The following ZNF354B variants were observed in gnomAD, a reference collection of about 807,000 sequenced individuals.
The protein encoded by ZNF354B is zinc finger protein 354B.
A neutral mutation model predicts 12.9 loss-of-function variants in ZNF354B; 10 were observed. That is an observed-to-expected ratio of 0.77 (90% CI 0.48 to 1.31). The LOEUF is 1.31. Ranked by LOEUF, ZNF354B falls within the 40% of genes most tolerant of loss-of-function variation. The pLI is 0.00. For synonymous variants in ZNF354B, 260 were observed against 243.7 expected, an observed-to-expected ratio of 1.07 and a Z score of -0.62; for missense variants, 614 against 711.7, an observed-to-expected ratio of 0.86 and a Z score of 1.56.
intron 4 of ZNF354B, among the ~76,000 whole-genome samples, chr5:178,879,546 A>G (rs1161909042): frequency 6.6e-6 from 1 of 151,748 alleles, no homozygotes; most frequent in African/African-American, 2.4e-5. Flanking sequence ...TGCCCAGCTA[A>G]TTTTTGTATT....
intron 2 of ZNF354B, among the ~76,000 whole-genome samples, chr5:178,862,362 C>CT (rs769224561): frequency 0.045 from 4,776 of 105,494 alleles, 316 homozygotes; most frequent in East Asian, 0.24. Context: ...GTGGCATTAT[C>CT]TTTTTTTTTT....
intron 4 of ZNF354B, among the ~76,000 whole-genome samples, chr5:178,881,332 G>A (rs1214732049): frequency 6.6e-6 from 1 of 152,068 alleles, no homozygotes; most frequent in Non-Finnish European, 1.5e-5. Flanking sequence ...AATGCACAGG[G>A]CAGCCCACCC....
At chr5:178,873,958 T>G (rs1363003582) in intron 4 of ZNF354B, among the ~76,000 whole-genome samples, 1 of 150,842 alleles carries the variant, frequency 6.6e-6, no homozygotes, top group Non-Finnish European at 1.5e-5. Flanking sequence ...TTTTTTCTTT[T>G]TTTTTTTTTG....
chr5:178,866,928 G>A (rs761946134), intron 3 of ZNF354B, 48 bp from the exon 4 acceptor site: 1 of 1,578,896 alleles, frequency 6.3e-7, no homozygotes, highest in South Asian at 1.1e-5. Flanking sequence ...ACTTTGTTGT[G>A]TCAAAACGAA....
chr5:178,866,868 G>A (rs1757467834), intron 3 of ZNF354B, 108 bp from the exon 4 acceptor site: 1 of 1,009,194 alleles, frequency 9.9e-7, no homozygotes, highest in Admixed American at 2.3e-5. Flanking sequence ...CATCATACAT[G>A]CAACATTCCT....
chr5:178,865,289 G>A (rs1757429640), intron 2 of ZNF354B, among the ~76,000 whole-genome samples: 1 of 151,780 alleles, frequency 6.6e-6, no homozygotes, highest in South Asian at 2.1e-4. Context: ...TCTTTTTTGA[G>A]ATGGAGTCTC....
At chr5:178,882,614 A>C (rs1439446344) in intron 4 of ZNF354B, 95 bp from the exon 5 acceptor site, 1 of 1,288,852 alleles carries the variant, frequency 7.8e-7, no homozygotes, top group African/African-American at 1.5e-5. Context: ...TCATATAGCA[A>C]ACCCTTACTG....
chr5:178,861,860 A>C (rs1757353339), intron 2 of ZNF354B, among the ~76,000 whole-genome samples: 1 of 152,174 alleles, frequency 6.6e-6, no homozygotes, highest in South Asian at 2.1e-4. Context: ...AATGGGAATA[A>C]CAGCCGTGCC....
At chr5:178,881,599 C>G (rs1262742512) in intron 4 of ZNF354B, among the ~76,000 whole-genome samples, 1 of 151,890 alleles carries the variant, frequency 6.6e-6, no homozygotes, top group Non-Finnish European at 1.5e-5. Context: ...TAAATGAAGG[C>G]TATTGATTTT....
chr5:178,861,667 C>CAGAG (rs35822895), intron 2 of ZNF354B, among the ~76,000 whole-genome samples: 66,096 of 151,716 alleles, frequency 0.44, 15,222 homozygotes, highest in Middle Eastern at 0.52. Flanking sequence ...TCGCAGGACA[C>CAGAG]AGAAGACCCC....
chr5:178,872,587 A>G (rs1054254707), intron 4 of ZNF354B, among the ~76,000 whole-genome samples: 1 of 152,120 alleles, frequency 6.6e-6, no homozygotes, highest in Non-Finnish European at 1.5e-5. Flanking sequence ...TGGCTGTGCC[A>G]TTTTACATTT....
chr5:178,880,491 C>G lies in ZNF354B; in HGVS notation c.257-2218C>G, dbSNP rs542339118. Among the ~76,000 whole-genome samples the G allele has an allele frequency of 1.6e-4, 24 of 151,172 alleles. No homozygotes were observed. The South Asian group carries it at 5.0e-3, about 31-fold the overall frequency. On this transcript the variant is annotated intron_variant, in intron 4 of 4. Coordinates refer to ENST00000322434, the MANE Select transcript of ZNF354B (RefSeq NM_058230.3). Reference sequence around the variant, plus strand: ...GGGATTACAGGTGTGAGCCACTGCACCCGGCCTCCTCTTTTTTTTTTTTTT... The same window carrying G: ...GGGATTACAGGTGTGAGCCACTGCAGCCGGCCTCCTCTTTTTTTTTTTTTT...
chr5:178,870,229 C>T (rs1232173642), intron 4 of ZNF354B, among the ~76,000 whole-genome samples: 1 of 152,194 alleles, frequency 6.6e-6, no homozygotes, highest in Non-Finnish European at 1.5e-5. Flanking sequence ...TTATGCTCCC[C>T]ATGATAGGAC....
chr5:178,872,153 T>C (rs1465129501), intron 4 of ZNF354B, among the ~76,000 whole-genome samples: 1 of 152,216 alleles, frequency 6.6e-6, no homozygotes, highest in African/African-American at 2.4e-5. Context: ...CTGCCTCTTT[T>C]CCTGAAGTCC....
chr5:178,875,590 T>C (rs1017015991), intron 4 of ZNF354B, among the ~76,000 whole-genome samples: 1 of 152,144 alleles, frequency 6.6e-6, no homozygotes, highest in African/African-American at 2.4e-5. Flanking sequence ...AGAGGGACTT[T>C]CGGTTGCCTC....
intron 1 of ZNF354B, 197 bp from the exon 2 acceptor site, chr5:178,860,800 C>T (rs564492126): frequency 1.5e-5 from 7 of 462,820 alleles, no homozygotes; most frequent in East Asian, 5.5e-5. Context: ...CCAGCGTCCC[C>T]TCCGTAAGCC....
intron 2 of ZNF354B, 67 bp from the exon 3 acceptor site, chr5:178,866,177 C>A: frequency 6.3e-7 from 1 of 1,585,292 alleles, no homozygotes; most frequent in Non-Finnish European, 8.6e-7. Context: ...AGCGTGTCTT[C>A]CCCACTGCCG....
chr5:178,878,586 C>T (rs1188398056), intron 4 of ZNF354B, among the ~76,000 whole-genome samples: 1 of 152,142 alleles, frequency 6.6e-6, no homozygotes, highest in African/African-American at 2.4e-5. Context: ...CCTTTCTTTC[C>T]TGTTCTAAAG....
At chr5:178,876,424 C>A (rs1325859481) in intron 4 of ZNF354B, among the ~76,000 whole-genome samples, 1 of 152,238 alleles carries the variant, frequency 6.6e-6, no homozygotes, top group Admixed American at 6.5e-5. Context: ...CTGCCTCTCC[C>A]TTCGGGAGCT....
Sources: allele counts gnomAD v4.1 joint callset (sites outside exome capture counted in the v4.1 genomes callset), GRCh38; gene constraint gnomAD v4.1.1; transcripts MANE v1.5; gene names NCBI Gene and HGNC (gene_info 2026-07-23, HGNC 2026-07-21).